The following SPATC1L variants were observed in gnomAD, a reference collection of about 807,000 sequenced individuals.
SPATC1L encodes the protein speriolin-like protein.
In SPATC1L, 20 loss-of-function variants were observed where a neutral mutation model predicts 21.2. That is an observed-to-expected ratio of 0.94 (90% CI 0.66 to 1.37). The LOEUF (loss-of-function observed/expected upper bound fraction) is 1.37, where lower values mean the gene tolerates loss of function less well. Ranked by LOEUF, SPATC1L falls within the 40% of genes most tolerant of loss-of-function variation. The pLI, the probability that SPATC1L is intolerant of heterozygous loss-of-function variation, is 0.00. For missense variants in SPATC1L, 499 were observed against 478.7 expected, an observed-to-expected ratio of 1.04 and a Z score of -0.40; for synonymous variants, 290 against 234.5, an observed-to-expected ratio of 1.24 and a Z score of -2.16.
Position 46,161,445 on chromosome 21 carries a change from C to G in SPATC1L, c.957G>C (p.Ser319=), listed in dbSNP as rs1445473240. Residue 319 remains serine (S), a synonymous_variant, in exon 5 of 5, where the codon TCG becomes TCC. Transcript: ENST00000291672. The part of the protein sequence containing the change: ...DVVPPKFLGD[S]LLLLNCLCEL... ...CGCACAGGCAGTTGAGCAGCAGCAG[C>G]GAGTCGCCCAGGAACTTGGGGGGCA... 7 of 1,583,288 alleles carry G rather than the reference C, an allele frequency of 4.4e-6. No individual in the cohort carries two copies. The highest frequency in any genetic ancestry group is 4.5e-5 in the East Asian group (2 of 44,332).
intron 2 of SPATC1L, among the ~76,000 whole-genome samples, 163 bp from the exon 3 acceptor site, chr21:46,168,821 A>G (rs58861127): frequency 0.21 from 32,524 of 151,960 alleles, 5,202 homozygotes; most frequent in African/African-American, 0.45. Context: ...TCAGGCCTCA[A>G]GTGTAAAAGG....
At chr21:46,183,956 G>A (rs917477276) in intron 1 of SPATC1L, among the ~76,000 whole-genome samples, 182 bp from the exon 2 acceptor site, 4 of 134,488 alleles carry the variant, frequency 3.0e-5, no homozygotes, top group Non-Finnish European at 5.1e-5. Context: ...CCAGCCTGGG[G>A]GAGGAGACCA....
intron 2 of SPATC1L, among the ~76,000 whole-genome samples, chr21:46,175,914 T>C (rs939273600): frequency 1.3e-5 from 2 of 152,156 alleles, no homozygotes; most frequent in Non-Finnish European, 2.9e-5. Context: ...CTCAACAAAA[T>C]TCTGGCAAAC....
At chr21:46,163,084 C>T (rs181418277) in intron 3 of SPATC1L, among the ~76,000 whole-genome samples, 13 of 152,292 alleles carry the variant, frequency 8.5e-5, no homozygotes, top group Admixed American at 6.5e-4. Context: ...ACTAGTGATT[C>T]GAGCATCTTT....
chr21:46,169,541 G>C (rs1237512027), intron 2 of SPATC1L, among the ~76,000 whole-genome samples: 1 of 141,544 alleles, frequency 7.1e-6, no homozygotes, highest in African/African-American at 2.8e-5. Context: ...TCTGTGGATG[G>C]GGAGGAGCCT....
chr21:46,175,736 G>A (rs1390709376), intron 2 of SPATC1L, among the ~76,000 whole-genome samples: 12 of 152,174 alleles, frequency 7.9e-5, no homozygotes, highest in Admixed American at 5.9e-4. Flanking sequence ...GTACAAAGAA[G>A]AGCTGGTACC....
chr21:46,181,133 C>T (rs1289855277), intron 2 of SPATC1L, among the ~76,000 whole-genome samples: 1 of 152,174 alleles, frequency 6.6e-6, no homozygotes, highest in Non-Finnish European at 1.5e-5. Context: ...CAGCCTGCGG[C>T]GGTCCACACA....
rs2079492293 is a variant in SPATC1L, at chr21:46,161,641, T to C, written c.761A>G (p.Tyr254Cys). Residue 254 changes from tyrosine to cysteine, a missense_variant, in exon 5 of 5, where the codon TAC becomes TGC. Physicochemically the swap from Tyr to Cys is radical, Grantham distance 194. Transcript: ENST00000291672. ...CTCCAGGCGCGCGCTCAGGGCCAGG[T>C]AGCGCTGCGTCAGCTCGCGCAGCTT... ...ERKLRELTQR[Y>C]LALSARLEKL... 1 of 1,610,066 alleles carries C rather than the reference T, an allele frequency of 6.2e-7. No homozygotes were observed. The highest frequency in any genetic ancestry group is 8.5e-7 in the Non-Finnish European group (1 of 1,178,964).
intron 2 of SPATC1L, among the ~76,000 whole-genome samples, chr21:46,177,400 A>G (rs2123649770): frequency 6.6e-6 from 1 of 152,362 alleles, no homozygotes; most frequent in Non-Finnish European, 1.5e-5. Context: ...TAAGGAACTT[A>G]AAGAAATCTA....
intron 2 of SPATC1L, among the ~76,000 whole-genome samples, chr21:46,181,399 C>T (rs1413404179): frequency 6.6e-6 from 1 of 152,162 alleles, no homozygotes; most frequent in African/African-American, 2.4e-5. Context: ...CAGCTCCCTG[C>T]GAGGAGCCCC....
Position 46,162,053 on chromosome 21 carries a change from C to T in SPATC1L, c.559G>A (p.Ala187Thr). 3.8e-6 allele frequency: 6 copies of T among 1,579,136 alleles called. No individual in the cohort carries two copies. Among genetic ancestry groups the T allele is most frequent in the Non-Finnish European group, 5.1e-6 (6 of 1,165,238 alleles). ...SYYLNEIQSF[A>T]GAEKDARVVG... ...ACGCGCGCGTCCTTCTCGGCGCCCGCGAAGCTCTGGATCTCTGGGGGAGGG... is the reference window on the plus strand; with the variant it reads ...ACGCGCGCGTCCTTCTCGGCGCCCGTGAAGCTCTGGATCTCTGGGGGAGGG... Residue 187 changes from alanine (A) to threonine (T), a missense_variant, in exon 4 of 5, where the codon GCG (alanine) becomes ACG (threonine). Ala to Thr is a moderately conservative substitution (Grantham distance 58). Coordinates refer to ENST00000291672, the MANE Select transcript of SPATC1L (RefSeq NM_001142854.2).
chr21:46,164,559 C>T (rs568234166), intron 3 of SPATC1L, among the ~76,000 whole-genome samples: 3 of 151,942 alleles, frequency 2.0e-5, no homozygotes, highest in Admixed American at 6.6e-5. Context: ...TTTGGGAAGC[C>T]GAGGTGGGTG....
chr21:46,182,878 A>G lies in SPATC1L; in HGVS notation c.-62T>C, dbSNP rs2079687230. 1 of 1,436,586 alleles carries G rather than the reference A, an allele frequency of 7.0e-7. No homozygotes were observed. The highest frequency in any genetic ancestry group is 9.2e-7 in the Non-Finnish European group (1 of 1,089,560). The allele number at this position is 1,436,586 out of a possible 1,614,324, so 89.0% of individuals were successfully genotyped here. On this transcript the variant is annotated 5_prime_UTR_variant, in exon 2 of 5. Transcript: ENST00000291672. Reference sequence around the variant, plus strand: ...CAGCCCCATGGAGGTGGGAGCCCAGAGCCCGCAGGCACCACAGAAACAGCC... The same window carrying G: ...CAGCCCCATGGAGGTGGGAGCCCAGGGCCCGCAGGCACCACAGAAACAGCC...
chr21:46,176,792 A>G (rs1171741583), intron 2 of SPATC1L, among the ~76,000 whole-genome samples: 1 of 152,222 alleles, frequency 6.6e-6, no homozygotes, highest in Non-Finnish European at 1.5e-5. Flanking sequence ...TTAAAAATTC[A>G]TATGGAACCA....
chr21:46,163,275 C>T (rs867369330), intron 3 of SPATC1L, among the ~76,000 whole-genome samples: 3 of 152,178 alleles, frequency 2.0e-5, no homozygotes, highest in African/African-American at 4.8e-5. Flanking sequence ...TCCCATTCTC[C>T]GGGTTGGCTT....
chr21:46,180,824 C>T (rs894102259), intron 2 of SPATC1L, among the ~76,000 whole-genome samples: 1 of 152,176 alleles, frequency 6.6e-6, no homozygotes, highest in African/African-American at 2.4e-5. Context: ...GGCGGGGGCT[C>T]CAAGGCCCTC....
At chr21:46,162,182 C>T in intron 3 of SPATC1L, 115 bp from the exon 4 acceptor site, 1 of 1,181,434 alleles carries the variant, frequency 8.5e-7, no homozygotes, top group Non-Finnish European at 1.2e-6. Flanking sequence ...CCACCTGCCG[C>T]CACCCCCCAC....
At chr21:46,171,835 T>G (rs1043043057) in intron 2 of SPATC1L, among the ~76,000 whole-genome samples, 2 of 147,732 alleles carry the variant, frequency 1.4e-5, no homozygotes, top group Non-Finnish European at 3.0e-5. Flanking sequence ...AATCCCGACA[T>G]CATACAAATG....
intron 3 of SPATC1L, among the ~76,000 whole-genome samples, chr21:46,164,663 G>C (rs1036053696): frequency 7.9e-5 from 12 of 151,904 alleles, no homozygotes; most frequent in Non-Finnish European, 1.8e-4. Flanking sequence ...ATGGTGGCGG[G>C]TGCCTGTAAT....
Sources: gnomAD v4.1 joint callset for allele counts (sites outside exome capture counted in the v4.1 genomes callset) on GRCh38, gnomAD v4.1.1 for gene constraint, MANE v1.5 for transcripts, NCBI Gene and HGNC (gene_info 2026-07-23, HGNC 2026-07-21) for gene names.